The following CTNNA2 variants were observed in gnomAD, a reference collection of about 807,000 sequenced individuals.
The protein encoded by CTNNA2 is catenin alpha-2.
Under a neutral mutation model 101.0 loss-of-function variants are expected in CTNNA2, and 42 were observed. The observed-to-expected ratio is 0.42, with a 90% confidence interval of 0.32 to 0.54. CTNNA2 has a LOEUF of 0.54. Among genes scored for constraint, CTNNA2 ranks in the 20% least tolerant of loss-of-function variants. The pLI, the probability that CTNNA2 is intolerant of heterozygous loss-of-function variation, is 0.14. For missense variants in CTNNA2, 871 were observed against 1,223.1 expected (o/e 0.71, Z 4.29); for synonymous variants, 450 against 456.4 (o/e 0.99, Z 0.18).
At chr2:79,470,118 G>A (rs577494068) in intron 4 of CTNNA2, among the ~76,000 whole-genome samples, 22 of 152,046 alleles carry the variant, frequency 1.4e-4, no homozygotes, top group Non-Finnish European at 2.9e-4. Flanking sequence ...CATGATTAAA[G>A]AAAGTTTTAA....
At chr2:79,973,262 T>C (rs1690612017) in intron 7 of CTNNA2, among the ~76,000 whole-genome samples, 1 of 152,192 alleles carries the variant, frequency 6.6e-6, no homozygotes, top group Non-Finnish European at 1.5e-5. Context: ...TTAGCACGTT[T>C]TTCATGCTGC....
Position 80,568,566 on chromosome 2 carries a change from CGTGTGTGTGTGTGTGT to C in CTNNA2, c.1742-5581_1742-5566del, listed in dbSNP as rs36104924. On this transcript the variant is annotated intron_variant, in intron 12 of 18. Coordinates refer to ENST00000402739, the MANE Select transcript of CTNNA2 (RefSeq NM_001282597.3). ...GTATACTGAGTGCTATAATGGTGTG[CGTGTGTGTGTGTGTGT>C]GTGTGTGTGTGTGTGAGATTAGGAT... Among the ~76,000 whole-genome samples the C allele has an allele frequency of 6.7e-5, 10 of 149,424 alleles. No individual in the cohort carries two copies. In the East Asian group the frequency reaches 8.0e-4, roughly 12 times the overall value.
intron 1 of CTNNA2, among the ~76,000 whole-genome samples, chr2:79,592,622 T>C (rs1490958248): frequency 6.6e-6 from 1 of 152,220 alleles, no homozygotes; most frequent in African/African-American, 2.4e-5. Flanking sequence ...CACAAACTCT[T>C]GCCTTTGTGA....
intron 7 of CTNNA2, among the ~76,000 whole-genome samples, chr2:80,320,891 G>A (rs2149245588): frequency 6.6e-6 from 1 of 152,238 alleles, no homozygotes; most frequent in African/African-American, 2.4e-5. Context: ...AGTTGAATGA[G>A]TTTTAATGTG....
At position 80,581,827 on chromosome 2, in the gene CTNNA2, G is replaced by A. The variant is rs550207605; in HGVS notation, c.2007+8G>A. The A allele has an allele frequency of 1.6e-5, 24 of 1,536,620 alleles. No homozygotes were observed. Among genetic ancestry groups the A allele is most frequent in the Non-Finnish European group, 2.0e-5 (22 of 1,109,966 alleles). ...GCAGGGCAGAGCGCACGGGTGAGTG[G>A]ACACCTAAGACTTTGGCTTGGCACA... is the stretch of plus-strand genomic sequence containing the variant. On this transcript the variant is annotated splice_region_variant and intron_variant, in intron 14 of 18. Transcript: ENST00000402739.
intron 2 of CTNNA2, among the ~76,000 whole-genome samples, chr2:79,233,585 A>C (rs1449149290): frequency 6.6e-6 from 1 of 152,232 alleles, no homozygotes; most frequent in East Asian, 1.9e-4. Context: ...TCAAGTGTTG[A>C]GTTTAAGTCC....
At chr2:79,978,885 C>T (rs1393642631) in intron 7 of CTNNA2, among the ~76,000 whole-genome samples, 1 of 152,136 alleles carries the variant, frequency 6.6e-6, no homozygotes, top group Non-Finnish European at 1.5e-5. Context: ...TATACCCTGC[C>T]AGCAATGCTC....
chr2:79,449,257 G>A (rs1678864719), intron 4 of CTNNA2, among the ~76,000 whole-genome samples: 1 of 152,022 alleles, frequency 6.6e-6, no homozygotes, highest in Non-Finnish European at 1.5e-5. Flanking sequence ...TGAGAGAATG[G>A]AAGTGATAAG....
chr2:79,996,172 TAA>T (rs1450525602), intron 7 of CTNNA2, among the ~76,000 whole-genome samples: 1 of 152,224 alleles, frequency 6.6e-6, no homozygotes, highest in East Asian at 1.9e-4. Flanking sequence ...GTTATTTGAC[TAA>T]GTCAGAAGCA....
chr2:79,328,902 C>A (rs984047467), intron 3 of CTNNA2, among the ~76,000 whole-genome samples: 2 of 152,176 alleles, frequency 1.3e-5, no homozygotes, highest in African/African-American at 4.8e-5. Context: ...TTTCCTACCA[C>A]TTTGTGCTTG....
rs571144406 is a variant in CTNNA2 at position 79,468,264 on chromosome 2, G to C, written c.-134-36790G>C. 3.8e-3 allele frequency among the ~76,000 whole-genome samples: 584 copies of C among 152,198 alleles called. 2 individuals carry two copies. The highest frequency in any genetic ancestry group is 0.013 in the African/African-American group (537 of 41,496). ...ATAAAACAGACTTTAAACCAAAAAAGATCAAAAGAGACAAAGAAGGCCATT... is the reference window on the plus strand; with the variant it reads ...ATAAAACAGACTTTAAACCAAAAAACATCAAAAGAGACAAAGAAGGCCATT... On this transcript the variant is annotated intron_variant, in intron 4 of 21. Coordinates refer to the CTNNA2 transcript ENST00000466387.
chr2:79,242,983 T>C lies in CTNNA2; in HGVS notation c.-406+44907T>C, dbSNP rs1450966742. ...TCCTGTCTCGAAATATATATATATA[T>C]ATATATATATACACACACACACACA... On this transcript the variant is annotated intron_variant, in intron 2 of 21. Coordinates refer to the CTNNA2 transcript ENST00000466387. 3.7e-3 allele frequency among the ~76,000 whole-genome samples: 220 copies of C among 59,412 alleles called. 2 individuals are homozygous for C. Among genetic ancestry groups the C allele is most frequent in the African/African-American group, 0.01 (196 of 19,170 alleles). The allele number at this position is 59,412 out of a possible 152,430, so 39.0% of individuals were successfully genotyped here. A position where few individuals can be genotyped will look rare whatever the true frequency, so the allele number is the denominator to read the frequency against.
At chr2:79,788,311 C>T (rs1337906711) in intron 3 of CTNNA2, among the ~76,000 whole-genome samples, 1 of 152,048 alleles carries the variant, frequency 6.6e-6, no homozygotes, top group Non-Finnish European at 1.5e-5. Context: ...GGAGTGCAGG[C>T]AGATGTTGCA....
At chr2:80,523,047 A>G (rs931122241) in intron 9 of CTNNA2, among the ~76,000 whole-genome samples, 3 of 152,190 alleles carry the variant, frequency 2.0e-5, no homozygotes, top group Non-Finnish European at 2.9e-5. Flanking sequence ...GTGAGAAGCC[A>G]GAGTCTGGGA....
chr2:79,517,258 A>G (rs1231489324), intron 1 of CTNNA2, among the ~76,000 whole-genome samples: 1 of 152,200 alleles, frequency 6.6e-6, no homozygotes, highest in Non-Finnish European at 1.5e-5. Context: ...GAATTCTTTT[A>G]TTCAAAAATG....
chr2:80,094,382 A>G (rs1167362396), intron 7 of CTNNA2, among the ~76,000 whole-genome samples: 3 of 152,198 alleles, frequency 2.0e-5, no homozygotes, highest in Non-Finnish European at 4.4e-5. Flanking sequence ...TTTTGGTACC[A>G]GTACCATGCT....
At chr2:79,837,169 A>G (rs557835037) in intron 3 of CTNNA2, among the ~76,000 whole-genome samples, 6 of 152,190 alleles carry the variant, frequency 3.9e-5, no homozygotes, top group Admixed American at 3.3e-4. Flanking sequence ...TGTGATCACA[A>G]GGTCCCACAA....
chr2:80,154,547 A>G (rs959186444), intron 7 of CTNNA2, among the ~76,000 whole-genome samples: 5 of 147,096 alleles, frequency 3.4e-5, no homozygotes, highest in Non-Finnish European at 5.9e-5. Flanking sequence ...TCTTAGGGAC[A>G]GAAAGTCATA....
intron 3 of CTNNA2, among the ~76,000 whole-genome samples, chr2:79,353,870 G>T (rs1301248959): frequency 2.0e-5 from 3 of 152,072 alleles, no homozygotes; most frequent in Admixed American, 2.0e-4. Flanking sequence ...TAGTGGTCAT[G>T]AATTCCCTTA....
Sources: allele counts gnomAD v4.1 joint callset (sites outside exome capture counted in the v4.1 genomes callset), GRCh38; gene constraint gnomAD v4.1.1; transcripts MANE v1.5; gene names NCBI Gene and HGNC (gene_info 2026-07-23, HGNC 2026-07-21).